STXBP6: variants seen among roughly 807,000 people sequenced by gnomAD.
STXBP6 encodes syntaxin-binding protein 6.
In STXBP6, 21 loss-of-function variants were observed where a neutral mutation model predicts 26.9. That is an observed-to-expected ratio of 0.78 (90% CI 0.55 to 1.12). STXBP6 has a LOEUF of 1.12. STXBP6 is among the 50% of genes most tolerant of loss of function. The pLI, the probability that STXBP6 is intolerant of heterozygous loss-of-function variation, is 0.00. For synonymous variants in STXBP6, 97 were observed against 92.6 expected, an observed-to-expected ratio of 1.05 and a Z score of -0.27; for missense variants, 232 against 257.9, an observed-to-expected ratio of 0.90 and a Z score of 0.69.
intron 4 of STXBP6, among the ~76,000 whole-genome samples, chr14:24,830,035 G>T (rs2068411224): frequency 6.6e-6 from 1 of 152,102 alleles, no homozygotes; most frequent in Non-Finnish European, 1.5e-5. Flanking sequence ...GTGATGATAA[G>T]CTGGGGAAAA....
In STXBP6 at chr14:24,960,160, G is replaced by A. The variant is rs376473772; in HGVS notation, c.154+14505C>T. ...GAATCTGTATCCCATAGAAAGCCAT[G>A]GAATCTGGGGGCAGATTGAGAGCAA... is the stretch of plus-strand genomic sequence containing the variant. On this transcript the variant is annotated intron_variant, in intron 2 of 5. Coordinates refer to ENST00000323944, the MANE Select transcript of STXBP6 (RefSeq NM_001394410.1). 1.5e-4 allele frequency among the ~76,000 whole-genome samples: 23 copies of A among 152,334 alleles called. No individual in the cohort carries two copies. The East Asian group carries it at 4.1e-3, about 27-fold the overall frequency.
At chr14:24,858,151 G>A (rs984601691) in intron 2 of STXBP6, among the ~76,000 whole-genome samples, 6 of 152,040 alleles carry the variant, frequency 3.9e-5, no homozygotes, top group Non-Finnish European at 5.9e-5. Flanking sequence ...CCACACTTTC[G>A]AATAACTATG....
chr14:25,006,568 G>C (rs770074703), intron 1 of STXBP6, among the ~76,000 whole-genome samples: 1 of 152,164 alleles, frequency 6.6e-6, no homozygotes, highest in Non-Finnish European at 1.5e-5. Flanking sequence ...CCCAGAAGAC[G>C]CACCTCTGCT....
intron 1 of STXBP6, among the ~76,000 whole-genome samples, chr14:24,999,121 C>G (rs771506152): frequency 1.3e-5 from 2 of 152,130 alleles, no homozygotes; most frequent in African/African-American, 4.8e-5. Context: ...ATGCATTTAA[C>G]ACCCCAATAA....
intron 2 of STXBP6, among the ~76,000 whole-genome samples, chr14:24,888,285 C>A (rs940381441): frequency 6.6e-6 from 1 of 152,182 alleles, no homozygotes; most frequent in African/African-American, 2.4e-5. Context: ...ATGACCCAAA[C>A]AGGCACAAGA....
chr14:24,837,062 T>C (rs1272997884), intron 4 of STXBP6, among the ~76,000 whole-genome samples: 1 of 152,234 alleles, frequency 6.6e-6, no homozygotes, highest in South Asian at 2.1e-4. Flanking sequence ...TTACAGAGTA[T>C]ATATGGCATT....
At chr14:24,995,794 AT>A (rs1378151702) in intron 1 of STXBP6, among the ~76,000 whole-genome samples, 3 of 152,176 alleles carry the variant, frequency 2.0e-5, no homozygotes, top group Admixed American at 1.3e-4. Flanking sequence ...TTACCAGCCC[AT>A]ATCTTTCCCT....
intron 1 of STXBP6, among the ~76,000 whole-genome samples, chr14:25,040,982 C>T (rs980659641): frequency 1.3e-5 from 2 of 152,192 alleles, no homozygotes; most frequent in African/African-American, 4.8e-5. Flanking sequence ...GCTTTAAGCT[C>T]CTTATATAAG....
chr14:24,908,230 T>G (rs2071450725), intron 2 of STXBP6, among the ~76,000 whole-genome samples: 1 of 152,208 alleles, frequency 6.6e-6, no homozygotes, highest in Non-Finnish European at 1.5e-5. Flanking sequence ...CCTTACCATC[T>G]TACCCAACTC....
intron 2 of STXBP6, among the ~76,000 whole-genome samples, chr14:24,931,097 G>A (rs9743955): frequency 8.7e-6 from 1 of 114,576 alleles, no homozygotes; most frequent in African/African-American, 3.6e-5. Flanking sequence ...CGGCCTGGGC[G>A]ACAGAGCGAG....
At chr14:24,951,858 AT>A (rs2073180410) in intron 2 of STXBP6, among the ~76,000 whole-genome samples, 1 of 152,034 alleles carries the variant, frequency 6.6e-6, no homozygotes. Flanking sequence ...TAAATAAAAT[AT>A]ATTTGAAAAA....
intron 4 of STXBP6, among the ~76,000 whole-genome samples, chr14:24,855,610 A>G (rs551521147): frequency 6.6e-6 from 1 of 152,232 alleles, no homozygotes; most frequent in East Asian, 1.9e-4. Context: ...ATTATAGAAA[A>G]GGTAGTAAAG....
chr14:24,936,025 A>C (rs1193274295), intron 2 of STXBP6, among the ~76,000 whole-genome samples: 3 of 152,202 alleles, frequency 2.0e-5, no homozygotes, highest in Admixed American at 2.0e-4. Context: ...CCTTGACTTA[A>C]CAGTATAACT....
In STXBP6 at chr14:24,975,935, A is replaced by G. The variant is rs111619527; in HGVS notation, c.-32-1085T>C. Among the ~76,000 whole-genome samples, 91 of 152,342 alleles carry G rather than the reference A, an allele frequency of 6.0e-4. 1 individual carries two copies. The highest frequency in any genetic ancestry group is 2.1e-3 in the African/African-American group (87 of 41,572). On this transcript the variant is annotated intron_variant, in intron 1 of 5. Coordinates refer to ENST00000323944, the MANE Select transcript of STXBP6 (RefSeq NM_001394410.1). ...TGTTCAGGCAATTCAACAAATCAAA[A>G]TTAAAGGCACAGAGAGGGCCCATGG...
intron 2 of STXBP6, among the ~76,000 whole-genome samples, chr14:24,865,094 C>T (rs1299637034): frequency 6.6e-6 from 1 of 151,784 alleles, no homozygotes; most frequent in Non-Finnish European, 1.5e-5. Context: ...AAACTCTAGG[C>T]AAGATCTACT....
At chr14:24,839,952 T>A (rs1237432097) in intron 4 of STXBP6, among the ~76,000 whole-genome samples, 1 of 152,212 alleles carries the variant, frequency 6.6e-6, no homozygotes, top group Admixed American at 6.5e-5. Context: ...ACCTGGCTGA[T>A]CTTTGTCATC....
intron 1 of STXBP6, among the ~76,000 whole-genome samples, chr14:24,985,127 T>C (rs1347508667): frequency 6.6e-6 from 1 of 152,232 alleles, no homozygotes; most frequent in South Asian, 2.1e-4. Flanking sequence ...CTGTTCATCT[T>C]GTGTGTGCAT....
intron 1 of STXBP6, among the ~76,000 whole-genome samples, chr14:25,006,492 G>A (rs918583530): frequency 1.3e-5 from 2 of 152,138 alleles, no homozygotes; most frequent in Non-Finnish European, 2.9e-5. Context: ...ATAAACATGA[G>A]GAACCCTCAC....
chr14:24,852,446 A>G (rs2069188232), intron 4 of STXBP6, among the ~76,000 whole-genome samples: 2 of 152,074 alleles, frequency 1.3e-5, no homozygotes, highest in Admixed American at 6.6e-5. Context: ...CTTTGCACTT[A>G]AAGTCTCTTT....
Sources: allele counts gnomAD v4.1 joint callset (sites outside exome capture counted in the v4.1 genomes callset), GRCh38; gene constraint gnomAD v4.1.1; transcripts MANE v1.5; gene names NCBI Gene and HGNC (gene_info 2026-07-23, HGNC 2026-07-21).